The following DENND5B variants were observed in gnomAD, a reference collection of about 807,000 sequenced individuals.
DENND5B encodes DENN domain-containing protein 5B.
In DENND5B, 34 loss-of-function variants were observed where a neutral mutation model predicts 140.6. That is an observed-to-expected ratio of 0.24 (90% CI 0.18 to 0.32). The LOEUF (loss-of-function observed/expected upper bound fraction) is 0.32. DENND5B is among the 10% of genes least tolerant of loss of function. The pLI, the probability that DENND5B is intolerant of heterozygous loss-of-function variation, is 1.00. For synonymous variants in DENND5B, 551 were observed against 562.1 expected, an observed-to-expected ratio of 0.98 and a Z score of 0.28; for missense variants, 1,142 against 1,560.2, an observed-to-expected ratio of 0.73 and a Z score of 4.52.
chr12:31,490,833 CTT>C (rs1667348900), intron 2 of DENND5B, among the ~76,000 whole-genome samples: 1 of 152,142 alleles, frequency 6.6e-6, no homozygotes, highest in African/African-American at 2.4e-5. Context: ...ACCGTTTACT[CTT>C]TGCTCTTCAT....
intron 2 of DENND5B, among the ~76,000 whole-genome samples, chr12:31,491,292 T>C (rs1040257060): frequency 3.9e-5 from 6 of 151,950 alleles, no homozygotes; most frequent in Admixed American, 3.9e-4. Context: ...GTCTCTACCA[T>C]AAATACAAAA....
At chr12:31,430,857 C>T (rs1165703001) in intron 8 of DENND5B, among the ~76,000 whole-genome samples, 1 of 152,106 alleles carries the variant, frequency 6.6e-6, no homozygotes, top group African/African-American at 2.4e-5. Context: ...TCTGCTGGAG[C>T]CATAGAAATA....
intron 1 of DENND5B, among the ~76,000 whole-genome samples, chr12:31,580,304 G>GT (rs1317396663): frequency 6.6e-6 from 1 of 151,918 alleles, no homozygotes; most frequent in East Asian, 1.9e-4. Flanking sequence ...TTTATTTACC[G>GT]TATCTTATTT....
At chr12:31,404,738 G>A (rs1942016601) in intron 14 of DENND5B, among the ~76,000 whole-genome samples, 1 of 145,278 alleles carries the variant, frequency 6.9e-6, no homozygotes, top group Non-Finnish European at 1.5e-5. Flanking sequence ...CCAGGCATAA[G>A]CCACCGCGTC....
At chr12:31,554,096 T>G (rs1320615753) in intron 1 of DENND5B, among the ~76,000 whole-genome samples, 1 of 152,240 alleles carries the variant, frequency 6.6e-6, no homozygotes, top group East Asian at 1.9e-4. Flanking sequence ...GTGAATTTGA[T>G]CCTGTCATTA....
intron 1 of DENND5B, among the ~76,000 whole-genome samples, chr12:31,576,472 A>T (rs182627369): frequency 6.6e-6 from 1 of 152,044 alleles, no homozygotes; most frequent in East Asian, 1.9e-4. Context: ...AAGTAATAAT[A>T]ATGAAAGATA....
intron 1 of DENND5B, among the ~76,000 whole-genome samples, chr12:31,510,621 G>A (rs185207155): frequency 6.6e-6 from 1 of 152,228 alleles, no homozygotes; most frequent in Admixed American, 6.5e-5. Context: ...CTTGTATATG[G>A]CACCCAACAT....
chr12:31,579,727 A>AAGGGGAGGGG (rs1176338962), intron 1 of DENND5B, among the ~76,000 whole-genome samples: 1 of 29,464 alleles, frequency 3.4e-5, no homozygotes, highest in Admixed American at 6.2e-4. Flanking sequence ...AGAAAGAGGG[A>AAGGGGAGGGG]AGGGGAGGGG....
chr12:31,573,777 T>G (rs571047898), intron 1 of DENND5B, among the ~76,000 whole-genome samples: 1 of 152,084 alleles, frequency 6.6e-6, no homozygotes, highest in Non-Finnish European at 1.5e-5. Context: ...GAGAGGGTGA[T>G]AGAGGTATCA....
intron 13 of DENND5B, among the ~76,000 whole-genome samples, 193 bp from the exon 14 acceptor site, chr12:31,409,577 C>T (rs976233962): frequency 1.4e-5 from 2 of 147,434 alleles, no homozygotes; most frequent in Admixed American, 1.4e-4. Flanking sequence ...CTCCTGGGTT[C>T]AAGTGATTCT....
At chr12:31,424,798 G>T in intron 9 of DENND5B, 111 bp from the exon 10 acceptor site, 1 of 1,382,054 alleles carries the variant, frequency 7.2e-7, no homozygotes, top group Non-Finnish European at 9.8e-7. Context: ...TCTATTTGCA[G>T]ATTTGTAATC....
At chr12:31,466,098 G>A (rs763724123) in intron 3 of DENND5B, among the ~76,000 whole-genome samples, 9 of 152,330 alleles carry the variant, frequency 5.9e-5, no homozygotes, top group African/African-American at 1.4e-4. Flanking sequence ...GGTGGCTCAC[G>A]CCTGTAAGCA....
chr12:31,474,235 G>A (rs570836491), intron 3 of DENND5B, among the ~76,000 whole-genome samples: 3 of 152,248 alleles, frequency 2.0e-5, no homozygotes, highest in South Asian at 2.1e-4. Context: ...AAGAACCAAA[G>A]GAGGTAAGCA....
chr12:31,408,983 G>T (rs568555061), intron 14 of DENND5B, among the ~76,000 whole-genome samples: 1 of 152,286 alleles, frequency 6.6e-6, no homozygotes, highest in South Asian at 2.1e-4. Context: ...TGAGCTCCGG[G>T]ACAGCCCTTT....
intron 1 of DENND5B, among the ~76,000 whole-genome samples, chr12:31,531,648 C>T (rs1418770098): frequency 6.6e-6 from 1 of 152,122 alleles, no homozygotes; most frequent in African/African-American, 2.4e-5. Context: ...TCTTTTAAGT[C>T]CTGATTCCTG....
At chr12:31,413,237 T>TA (rs1210727179) in intron 13 of DENND5B, among the ~76,000 whole-genome samples, 199 bp downstream of exon 13, 2 of 152,208 alleles carry the variant, frequency 1.3e-5, no homozygotes, top group Non-Finnish European at 2.9e-5. Flanking sequence ...CTTTGGCTGT[T>TA]AAATTTGGTG....
intron 2 of DENND5B, among the ~76,000 whole-genome samples, chr12:31,487,774 A>C (rs1946367348): frequency 6.6e-6 from 1 of 152,348 alleles, no homozygotes; most frequent in Non-Finnish European, 1.5e-5. Context: ...TATTGTAGTC[A>C]ATAAAGATTG....
chr12:31,566,338 CTGTG>C lies in DENND5B; in HGVS notation c.127+24364_127+24367del, dbSNP rs6144677. ...ATAGTGAGAACCTCTCTCTTAAAAA[CTGTG>C]TGTGTGTGTGTGTGTGTGTGTGTGT... On this transcript the variant is annotated intron_variant, in intron 1 of 20. Coordinates refer to ENST00000389082, the MANE Select transcript of DENND5B (RefSeq NM_144973.4). Among the ~76,000 whole-genome samples the C allele has an allele frequency of 9.6e-4, 142 of 148,596 alleles. 1 individual carries two copies. In the East Asian group the frequency reaches 0.02, roughly 21 times the overall value.
At chr12:31,542,274 C>T (rs111765011) in intron 1 of DENND5B, among the ~76,000 whole-genome samples, 2,478 of 143,830 alleles carry the variant, frequency 0.017, 71 homozygotes, top group African/African-American at 0.06. Context: ...GGCAACAGAG[C>T]GAGACTCCGT....
Sources: allele counts gnomAD v4.1 joint callset (sites outside exome capture counted in the v4.1 genomes callset), GRCh38; gene constraint gnomAD v4.1.1; transcripts MANE v1.5; gene names NCBI Gene and HGNC (gene_info 2026-07-23, HGNC 2026-07-21).